Variants in ADD1 observed in about 807,000 individuals in gnomAD.
The protein encoded by ADD1 is alpha-adducin.
ADD1 carries 24 observed loss-of-function variants against 80.5 expected under a neutral mutation model. That is an observed-to-expected ratio of 0.30 (90% CI 0.22 to 0.42). The LOEUF is 0.42. Among genes scored for constraint, ADD1 ranks in the 10% least tolerant of loss-of-function variants. The pLI, the probability that ADD1 is intolerant of heterozygous loss-of-function variation, is 1.00. For missense variants in ADD1, 948 were observed against 1,019.0 expected, an observed-to-expected ratio of 0.93 and a Z score of 0.95; for synonymous variants, 373 against 393.8, an observed-to-expected ratio of 0.95 and a Z score of 0.63.
intron 2 of ADD1, among the ~76,000 whole-genome samples, chr4:2,877,830 G>C (rs1266383342): frequency 6.6e-6 from 1 of 152,152 alleles, no homozygotes; most frequent in Non-Finnish European, 1.5e-5. Context: ...ATAAAAATTA[G>C]CTAGGTGTGG....
chr4:2,926,738 C>T lies in ADD1; in HGVS notation c.2047+626C>T, dbSNP rs1711754524. 5.2e-6 allele frequency: 8 copies of T among 1,525,740 alleles called. No homozygotes were observed. The highest frequency in any genetic ancestry group is 7.2e-6 in the Non-Finnish European group (8 of 1,110,062). The allele number at this position is 1,525,740 out of a possible 1,614,324, so 94.5% of individuals were successfully genotyped here. On this transcript the variant is annotated intron_variant, in intron 15 of 15. Transcript: ENST00000683351. The surrounding 1 kb of genome is among the most constrained non-coding windows in gnomAD (Gnocchi z 5.0). ...TGCGCTTTGCCTCATTCTCCTGCTT[C>T]TTTGTTGTTTATTAAGTTTTGTTTT...
chr4:2,908,668 T>G lies in ADD1; in HGVS notation c.1698+64T>G. On this transcript the variant is annotated intron_variant, in intron 12 of 15. Transcript: ENST00000683351. ...GCTGTGTGACCGCCTGCTCCAAAGT[T>G]ATTCTGAAATTGAGAGAGTGACTTT... 3.0e-6 allele frequency: 4 copies of G among 1,348,022 alleles called. No individual in the cohort carries two copies. The East Asian group carries it at 9.2e-5, about 31-fold the overall frequency. The allele number at this position is 1,348,022 out of a possible 1,614,324, so 83.5% of individuals were successfully genotyped here. A position where few individuals can be genotyped will look rare whatever the true frequency, so the allele number is the denominator to read the frequency against.
At chr4:2,921,586 A>G (rs1415695861) in intron 14 of ADD1, among the ~76,000 whole-genome samples, 28 of 150,776 alleles carry the variant, frequency 1.9e-4, no homozygotes, top group Admixed American at 1.8e-3. Context: ...CTTCATTTCA[A>G]CCTTGGTGAA....
At chr4:2,870,443 C>T (rs1730250335) in intron 1 of ADD1, among the ~76,000 whole-genome samples, 1 of 152,130 alleles carries the variant, frequency 6.6e-6, no homozygotes, top group Admixed American at 6.5e-5. Flanking sequence ...ATTTAGCAAA[C>T]CAACTGTCCT....
At chr4:2,845,498 C>T (rs150312592) in intron 1 of ADD1, among the ~76,000 whole-genome samples, 1 of 152,166 alleles carries the variant, frequency 6.6e-6, no homozygotes, top group Non-Finnish European at 1.5e-5. Context: ...ATGTGGTTTA[C>T]AATGGTATGG....
chr4:2,868,316 T>C (rs954141574), intron 1 of ADD1, among the ~76,000 whole-genome samples: 3 of 152,184 alleles, frequency 2.0e-5, no homozygotes, highest in African/African-American at 7.2e-5. Context: ...TATTGCAGGT[T>C]TCCAAGTGTT....
At chr4:2,873,714 C>T (rs971391544) in intron 1 of ADD1, among the ~76,000 whole-genome samples, 1 of 152,140 alleles carries the variant, frequency 6.6e-6, no homozygotes, top group African/African-American at 2.4e-5. Flanking sequence ...TTTCTTTGGT[C>T]TTTTATTGTT....
At chr4:2,892,019 A>G (rs1175319203) in intron 4 of ADD1, among the ~76,000 whole-genome samples, 1 of 152,210 alleles carries the variant, frequency 6.6e-6, no homozygotes, top group African/African-American at 2.4e-5. Flanking sequence ...GCATCTGTTT[A>G]TGACAGTGCT....
chr4:2,890,033 G>C (rs761654669), intron 4 of ADD1, among the ~76,000 whole-genome samples: 2 of 150,374 alleles, frequency 1.3e-5, no homozygotes, highest in Admixed American at 6.6e-5. Context: ...CTCCGTCTCT[G>C]CTAAAAATGC....
rs16843521 is a variant in ADD1 at position 2,876,212 on chromosome 4, T to G, written c.195+102T>G. 22 of 1,144,298 alleles carry G rather than the reference T, an allele frequency of 1.9e-5. No homozygotes were observed. In the Admixed American group the frequency reaches 2.9e-4, roughly 15 times the overall value. 70.9% of individuals were successfully genotyped at this position (1,144,298 alleles called of 1,614,324 possible). On this transcript the variant is annotated intron_variant, in intron 2 of 15. Coordinates refer to ENST00000683351, the MANE Select transcript of ADD1 (RefSeq NM_001354761.2). ...TGAGTGGCATAGTTCATTGATCTTA[T>G]CACAGGAAATCAGTGCCTTGAGTAT...
chr4:2,875,724 C>T (rs1344285260), intron 1 of ADD1, among the ~76,000 whole-genome samples, 172 bp from the exon 2 acceptor site: 2 of 152,144 alleles, frequency 1.3e-5, no homozygotes, highest in African/African-American at 4.8e-5. Flanking sequence ...GGTGGTTGAT[C>T]AGCCATGTGC....
At chr4:2,924,212 T>G (rs1740578481) in intron 14 of ADD1, among the ~76,000 whole-genome samples, 1 of 152,230 alleles carries the variant, frequency 6.6e-6, no homozygotes, top group Admixed American at 6.5e-5. Context: ...GGCTCAAGTT[T>G]GAGACCCTCA....
chr4:2,917,206 C>G (rs186800262), intron 14 of ADD1, among the ~76,000 whole-genome samples: 3,204 of 152,266 alleles, frequency 0.021, 74 homozygotes, highest in African/African-American at 0.049. Context: ...GTTGTTTCCT[C>G]GCTTTTTAAT....
At chr4:2,910,553 T>C (rs1353568003) in intron 13 of ADD1, among the ~76,000 whole-genome samples, 1 of 152,162 alleles carries the variant, frequency 6.6e-6, no homozygotes, top group Non-Finnish European at 1.5e-5. Flanking sequence ...CAGTTATTCT[T>C]TCTCTCAGGT....
intron 1 of ADD1, among the ~76,000 whole-genome samples, chr4:2,871,918 A>G (rs1179824704): frequency 1.3e-5 from 2 of 152,326 alleles, no homozygotes; most frequent in Non-Finnish European, 2.9e-5. Context: ...GTTTGTTTCA[A>G]TCAGGATCCT....
In ADD1 at chr4:2,929,990, T is replaced by C. The variant is rs895482930; in HGVS notation, c.*1467T>C. 1 of 152,624 alleles carries C rather than the reference T, an allele frequency of 6.6e-6. No individual in the cohort carries two copies. Among genetic ancestry groups the C allele is most frequent in the African/African-American group, 2.4e-5 (1 of 41,474 alleles). 9.5% of individuals were successfully genotyped at this position (152,624 alleles called of 1,614,324 possible). A position where few individuals can be genotyped will look rare whatever the true frequency, so the allele number is the denominator to read the frequency against. On this transcript the variant is annotated 3_prime_UTR_variant, in exon 16 of 16. Coordinates refer to ENST00000683351, the MANE Select transcript of ADD1 (RefSeq NM_001354761.2). ...TATAGTTGCATATATGGACACCGACTTGGGAGGACAGGTCCTGAATGTCCT... is the reference window on the plus strand; with the variant it reads ...TATAGTTGCATATATGGACACCGACCTGGGAGGACAGGTCCTGAATGTCCT...
chr4:2,868,153 T>G (rs532920836), intron 1 of ADD1: 4 of 152,266 alleles, frequency 2.6e-5, no homozygotes, highest in African/African-American at 9.6e-5. Context: ...TTTAGGGTGG[T>G]GGAGAACTGT....
intron 6 of ADD1, 61 bp downstream of exon 6, chr4:2,894,792 G>A (rs2850628): frequency 7.3e-6 from 11 of 1,514,564 alleles, no homozygotes; most frequent in South Asian, 3.8e-5. Flanking sequence ...GGCACTGCAC[G>A]TTTCCTCTGA....
chr4:2,903,402 G>A (rs773920587), intron 9 of ADD1, among the ~76,000 whole-genome samples: 4 of 152,180 alleles, frequency 2.6e-5, no homozygotes, highest in Non-Finnish European at 5.9e-5. Flanking sequence ...CCTAGCTTCT[G>A]TGGGGCAGGA....
Sources: gnomAD v4.1 joint callset for allele counts (sites outside exome capture counted in the v4.1 genomes callset) on GRCh38, gnomAD v4.1.1 for gene constraint, Gnocchi (gnomAD v3.1) non-coding constraint, MANE v1.5 for transcripts, NCBI Gene and HGNC (gene_info 2026-07-23, HGNC 2026-07-21) for gene names.